RAD17: variants seen among roughly 807,000 people sequenced by gnomAD.
The protein encoded by RAD17 is RAD17 checkpoint clamp loader component.
RAD17 carries 31 observed loss-of-function variants against 81.5 expected under a neutral mutation model. The observed-to-expected ratio is 0.38, with a 90% CI of 0.29 to 0.51. RAD17 has a LOEUF of 0.51. RAD17 is among the 20% of genes least tolerant of loss of function. The pLI is 0.88. For missense variants in RAD17, 681 were observed against 781.2 expected (o/e 0.87, Z 1.53); for synonymous variants, 261 against 266.2 (o/e 0.98, Z 0.19).
chr5:69,377,645 A>G lies in RAD17; in HGVS notation c.351+2934A>G, dbSNP rs71576920. ...TATGCATATATATGTATACATATAT[A>G]TATGCATATATATATGTATACATAT... On this transcript the variant is annotated intron_variant, in intron 6 of 18. Transcript: ENST00000354868. Among the ~76,000 whole-genome samples, 10 of 25,562 alleles carry G rather than the reference A, an allele frequency of 3.9e-4. 4 individuals are homozygous for G. The highest frequency in any genetic ancestry group is 5.1e-4 in the African/African-American group (5 of 9,798). 16.8% of individuals were successfully genotyped at this position (25,562 alleles called of 152,430 possible). A position where few individuals can be genotyped will look rare whatever the true frequency, so the allele number is the denominator to read the frequency against.
rs1554038869 is a variant in RAD17, at chr5:69,377,682, T to TATATATGTATACATATATATATGC, written c.351+2977_351+2978insGTATACATATATATATGCATATAT. Among the ~76,000 whole-genome samples, 2 of 45,712 alleles carry TATATATGTATACATATATATATGC rather than the reference T, an allele frequency of 4.4e-5. 1 individual carries two copies. Among genetic ancestry groups the TATATATGTATACATATATATATGC allele is most frequent in the Non-Finnish European group, 1.1e-4 (2 of 18,890 alleles). The allele number at this position is 45,712 out of a possible 152,430, so 30.0% of individuals were successfully genotyped here. A position where few individuals can be genotyped will look rare whatever the true frequency, so the allele number is the denominator to read the frequency against. On this transcript the variant is annotated intron_variant, in intron 6 of 18. Coordinates refer to ENST00000354868, the MANE Select transcript of RAD17 (RefSeq NM_133338.3). ...ATATGTATACATATATATATGCATATATATATATGTATACATATATATATG... is the reference window on the plus strand; with the variant it reads ...ATATGTATACATATATATATGCATATATATATGTATACATATATATATGCATATATATGTATACATATATATATG...
At chr5:69,400,409 G>T (rs1240344129) in intron 17 of RAD17, among the ~76,000 whole-genome samples, 2 of 151,570 alleles carry the variant, frequency 1.3e-5, no homozygotes, top group African/African-American at 4.9e-5. Flanking sequence ...GTAGAGATGG[G>T]GTTTCACTGT....
chr5:69,388,714 C>G (rs563500128), intron 11 of RAD17, among the ~76,000 whole-genome samples: 1 of 152,158 alleles, frequency 6.6e-6, no homozygotes, highest in Admixed American at 6.5e-5. Flanking sequence ...TCAAGTGATC[C>G]TCCCATTTCA....
At chr5:69,390,799 TATATATA>T (rs1764505548) in intron 12 of RAD17, among the ~76,000 whole-genome samples, 1 of 71,088 alleles carries the variant, frequency 1.4e-5, no homozygotes, top group Non-Finnish European at 4.9e-5. Flanking sequence ...TAATTAAAAA[TATATATA>T]TATATAGCCA....
At chr5:69,374,827 G>C in intron 6 of RAD17, 116 bp downstream of exon 6, 1 of 842,342 alleles carries the variant, frequency 1.2e-6, no homozygotes, top group Non-Finnish European at 1.8e-6. Context: ...TAGATCTCCT[G>C]CAGTAGAAAG....
At chr5:69,413,419 A>T (rs949915436) in intron 18 of RAD17, among the ~76,000 whole-genome samples, 6 of 152,224 alleles carry the variant, frequency 3.9e-5, no homozygotes, top group African/African-American at 1.4e-4. Flanking sequence ...TGCCTGGGCG[A>T]TAGAGAAAGA....
At chr5:69,387,635 A>G (rs1764295879) in intron 11 of RAD17, among the ~76,000 whole-genome samples, 1 of 152,142 alleles carries the variant, frequency 6.6e-6, no homozygotes, top group Non-Finnish European at 1.5e-5. Flanking sequence ...AGGTGGGTGT[A>G]TCACCTGAGG....
intron 6 of RAD17, among the ~76,000 whole-genome samples, chr5:69,377,474 T>TACATAC (rs1763447921): frequency 9.8e-5 from 1 of 10,178 alleles, no homozygotes; most frequent in African/African-American, 1.6e-4. Context: ...TATATATATA[T>TACATAC]ACACACACAC....
Position 69,371,386 on chromosome 5 carries a change from T to A in RAD17, c.-279-68T>A, listed in dbSNP as rs1389776084. ...GTATTGTTGATTATATCAGTATACA[T>A]TTATTACTATAATTGGGCATTTACA... On this transcript the variant is annotated intron_variant, in intron 2 of 18. Coordinates refer to ENST00000354868, the MANE Select transcript of RAD17 (RefSeq NM_133338.3). 7.7e-5 allele frequency: 39 copies of A among 508,330 alleles called. 2 individuals carry two copies. In the South Asian group the frequency reaches 1.3e-3, roughly 18 times the overall value. 31.5% of individuals were successfully genotyped at this position (508,330 alleles called of 1,614,324 possible).
chr5:69,377,496 CGT>C (rs1763460043), intron 6 of RAD17, among the ~76,000 whole-genome samples: 2 of 51,670 alleles, frequency 3.9e-5, no homozygotes, highest in Non-Finnish European at 7.3e-5. Context: ...CATATATATA[CGT>C]ATATATATGT....
intron 4 of RAD17, among the ~76,000 whole-genome samples, chr5:69,372,802 G>A (rs1482672513): frequency 2.6e-5 from 4 of 151,830 alleles, no homozygotes; most frequent in Non-Finnish European, 4.4e-5. Flanking sequence ...GTAGAGTTGG[G>A]GTCTCCCTAT....
chr5:69,399,290 A>G (rs1217925099), intron 16 of RAD17, among the ~76,000 whole-genome samples: 1 of 152,112 alleles, frequency 6.6e-6, no homozygotes, highest in Non-Finnish European at 1.5e-5. Flanking sequence ...ACACTGGCTC[A>G]TATTTCTGCG....
At chr5:69,406,999 ATTTT>A (rs66894670) in intron 17 of RAD17, among the ~76,000 whole-genome samples, 2 of 82,668 alleles carry the variant, frequency 2.4e-5, no homozygotes, top group Non-Finnish European at 2.6e-5. Context: ...TTTGTAGTAG[ATTTT>A]TTTTTTTTTT....
At chr5:69,395,199 C>A (rs1014185624) in intron 15 of RAD17, among the ~76,000 whole-genome samples, 1 of 152,148 alleles carries the variant, frequency 6.6e-6, no homozygotes, top group Admixed American at 6.5e-5. Flanking sequence ...AATTTTCCAT[C>A]CTATAAATAA....
chr5:69,398,196 A>G (rs1765022108), intron 16 of RAD17, among the ~76,000 whole-genome samples: 1 of 152,234 alleles, frequency 6.6e-6, no homozygotes, highest in Admixed American at 6.5e-5. Flanking sequence ...ATGTAAGGTA[A>G]TGCATATGTT....
intron 15 of RAD17, 102 bp from the exon 16 acceptor site, chr5:69,396,295 C>A (rs1017894468): frequency 5.6e-6 from 7 of 1,255,342 alleles, no homozygotes; most frequent in Non-Finnish European, 7.6e-6. Context: ...AGAAAGTGAA[C>A]ACATAGAAAC....
intron 17 of RAD17, 120 bp downstream of exon 17, chr5:69,400,289 C>T (rs1232495958): frequency 3.3e-6 from 2 of 605,416 alleles, no homozygotes; most frequent in East Asian, 5.6e-5. Context: ...ACGATCTCGG[C>T]TCACTGCAAC....
intron 16 of RAD17, among the ~76,000 whole-genome samples, chr5:69,397,367 C>G (rs1308114102): frequency 5.9e-5 from 9 of 152,142 alleles, no homozygotes; most frequent in Non-Finnish European, 1.3e-4. Context: ...TTCTTGAACT[C>G]CTGACCTTAA....
At chr5:69,395,086 A>G (rs573930884) in intron 15 of RAD17, among the ~76,000 whole-genome samples, 4 of 152,348 alleles carry the variant, frequency 2.6e-5, no homozygotes, top group Non-Finnish European at 5.9e-5. Context: ...AGTAATAAGT[A>G]AAATTAGGAA....
Sources: allele counts gnomAD v4.1 joint callset (sites outside exome capture counted in the v4.1 genomes callset), GRCh38; gene constraint gnomAD v4.1.1; transcripts MANE v1.5; gene names NCBI Gene and HGNC (gene_info 2026-07-23, HGNC 2026-07-21).